The following STK3 variants were observed in gnomAD, a reference collection of about 807,000 sequenced individuals.
STK3 encodes serine/threonine kinase 3.
A neutral mutation model predicts 58.0 loss-of-function variants in STK3; 41 were observed. That is an observed-to-expected ratio of 0.71 (90% confidence interval 0.55 to 0.92). The LOEUF (loss-of-function observed/expected upper bound fraction) is 0.92. STK3 is among the 40% of genes least tolerant of loss of function. STK3 has a pLI of 0.00. For missense variants in STK3, 479 were observed against 602.7 expected (o/e 0.79, Z 2.15); for synonymous variants, 170 against 191.0 (o/e 0.89, Z 0.91).
intron 10 of STK3, among the ~76,000 whole-genome samples, chr8:98,461,374 C>T (rs568362690): frequency 6.6e-6 from 1 of 152,194 alleles, no homozygotes; most frequent in East Asian, 1.9e-4. Context: ...TATACAAATC[C>T]TTATGTGTTG....
intron 1 of STK3, among the ~76,000 whole-genome samples, chr8:98,441,323 A>G (rs371729168): frequency 4.6e-5 from 7 of 152,330 alleles, no homozygotes; most frequent in African/African-American, 1.7e-4. Flanking sequence ...GAAACTTCTC[A>G]ATATCACTCA....
chr8:98,463,086 G>A (rs1820137445), intron 10 of STK3: 1 of 151,840 alleles, frequency 6.6e-6, no homozygotes, highest in Non-Finnish European at 1.5e-5. Context: ...TCTTTATAAA[G>A]TGTTCCACAG....
chr8:98,860,639 A>T (rs1036443092), intron 3 of STK3, among the ~76,000 whole-genome samples: 1 of 152,200 alleles, frequency 6.6e-6, no homozygotes, highest in African/African-American at 2.4e-5. Context: ...AATTTTTTTT[A>T]AATGTGAAAC....
At chr8:98,918,902 C>T (rs1420937471) in intron 1 of STK3, among the ~76,000 whole-genome samples, 1 of 151,856 alleles carries the variant, frequency 6.6e-6, no homozygotes, top group Non-Finnish European at 1.5e-5. Flanking sequence ...GTCCTGGCAC[C>T]TCTGTCAGCC....
intron 7 of STK3, among the ~76,000 whole-genome samples, chr8:98,588,146 G>T (rs1814840506): frequency 1.3e-5 from 2 of 151,744 alleles, no homozygotes; most frequent in African/African-American, 4.8e-5. Flanking sequence ...TCATGATGAT[G>T]TTAGCTGGTT....
At chr8:98,540,529 G>A (rs558877336) in intron 9 of STK3, among the ~76,000 whole-genome samples, 1 of 152,238 alleles carries the variant, frequency 6.6e-6, no homozygotes, top group Admixed American at 6.5e-5. Context: ...CAATTCTGAT[G>A]GACCTTCACC....
intron 3 of STK3, among the ~76,000 whole-genome samples, chr8:98,870,355 C>T (rs1019610528): frequency 6.6e-6 from 1 of 152,188 alleles, no homozygotes; most frequent in South Asian, 2.1e-4. Flanking sequence ...TGGGTATATA[C>T]CCAGTAATGG....
rs781608825 is a variant in STK3 at position 98,707,201 on chromosome 8, G to C, written c.462C>G (p.Leu154=). The C allele has an allele frequency of 1.2e-6, 2 of 1,612,506 alleles. No individual in the cohort carries two copies. Among genetic ancestry groups the C allele is most frequent in the African/African-American group, 2.7e-5 (2 of 74,862 alleles). The change falls in exon 5 of 11, where the codon CTC becomes CTG. Residue 154 remains leucine (L), a synonymous_variant. Transcript: ENST00000419617. ...HRDIKAGNIL[L]NTEGHAKLAD... is the part of the protein sequence containing the mutation. ...CCAATTTTGCATGTCCTTCTGTATT[G>C]AGGAGAATATTTCCAGCTTTTATAT...
chr8:98,565,483 C>A (rs1812402846), intron 8 of STK3, among the ~76,000 whole-genome samples: 2 of 152,062 alleles, frequency 1.3e-5, no homozygotes, highest in Admixed American at 1.3e-4. Flanking sequence ...TCACCAAAAA[C>A]TTTTTGCAGT....
At chr8:98,578,309 T>C (rs537051926) in intron 8 of STK3, among the ~76,000 whole-genome samples, 104 of 152,104 alleles carry the variant, frequency 6.8e-4, no homozygotes, top group Non-Finnish European at 1.3e-3. Flanking sequence ...ATGACAAACC[T>C]GAAAAAAATA....
chr8:98,491,963 C>T (rs1822735033), intron 10 of STK3, among the ~76,000 whole-genome samples: 1 of 152,056 alleles, frequency 6.6e-6, no homozygotes, highest in Non-Finnish European at 1.5e-5. Flanking sequence ...ACATAAAAGG[C>T]AGCACTCAAA....
chr8:98,925,720 C>T (rs938757126), intron 1 of STK3, among the ~76,000 whole-genome samples: 1 of 152,140 alleles, frequency 6.6e-6, no homozygotes, highest in Admixed American at 6.6e-5. Flanking sequence ...CTCTAAAGCA[C>T]TCTGTTTAAT....
chr8:98,898,549 C>T, intron 1 of STK3, among the ~76,000 whole-genome samples: 1 of 152,286 alleles, frequency 6.6e-6, no homozygotes, highest in South Asian at 2.1e-4. Context: ...TTTTCTCTCT[C>T]TTTCTAAAAT....
At chr8:98,514,201 G>C (rs1366735775) in intron 10 of STK3, among the ~76,000 whole-genome samples, 3 of 151,950 alleles carry the variant, frequency 2.0e-5, no homozygotes, top group Non-Finnish European at 2.9e-5. Flanking sequence ...TAAGATGTAG[G>C]GTGGGGAAGG....
At chr8:98,899,099 T>C (rs1587819964) in intron 1 of STK3, among the ~76,000 whole-genome samples, 1 of 152,192 alleles carries the variant, frequency 6.6e-6, no homozygotes, top group African/African-American at 2.4e-5. Flanking sequence ...AAACAAAATA[T>C]GGCACTATGT....
At chr8:98,847,768 T>C (rs1464688488) in intron 3 of STK3, among the ~76,000 whole-genome samples, 3 of 152,218 alleles carry the variant, frequency 2.0e-5, no homozygotes, top group Non-Finnish European at 1.5e-5. Flanking sequence ...TTCCTAATTA[T>C]GTGCTTACTT....
intron 1 of STK3, among the ~76,000 whole-genome samples, chr8:98,794,999 C>A (rs1833034945): frequency 7.5e-6 from 1 of 133,574 alleles, no homozygotes; most frequent in Admixed American, 8.5e-5. Context: ...ACCCGGGAGG[C>A]AGGGGTTGCT....
intron 10 of STK3, among the ~76,000 whole-genome samples, chr8:98,472,132 A>C (rs1371641303): frequency 6.6e-6 from 1 of 152,194 alleles, no homozygotes; most frequent in Non-Finnish European, 1.5e-5. Flanking sequence ...AAGAGTTTGA[A>C]CTTTAAGACA....
intron 3 of STK3, among the ~76,000 whole-genome samples, chr8:98,865,242 A>T (rs1231140697): frequency 6.6e-6 from 1 of 152,134 alleles, no homozygotes; most frequent in African/African-American, 2.4e-5. Context: ...CTTTCTTAAC[A>T]ATTAGGTGAG....
Sources: allele counts gnomAD v4.1 joint callset (sites outside exome capture counted in the v4.1 genomes callset), GRCh38; gene constraint gnomAD v4.1.1; transcripts MANE v1.5; gene names NCBI Gene and HGNC (gene_info 2026-07-23, HGNC 2026-07-21).